PRCP: variants seen among roughly 807,000 people sequenced by gnomAD.
PRCP encodes the protein prolylcarboxypeptidase.
A neutral mutation model predicts 54.2 loss-of-function variants in PRCP; 46 were observed. The observed-to-expected ratio is 0.85, with a 90% CI of 0.67 to 1.09. PRCP has a LOEUF of 1.09. Ranked by LOEUF, PRCP falls within the 50% of genes least tolerant of loss-of-function variation. The pLI is 0.00. For synonymous variants in PRCP, 240 were observed against 212.2 expected (o/e 1.13, Z -1.14); for missense variants, 613 against 596.8 (o/e 1.03, Z -0.28).
At chr11:82,876,570 T>A (rs11233359) in intron 1 of PRCP, among the ~76,000 whole-genome samples, 1 of 152,026 alleles carries the variant, frequency 6.6e-6, no homozygotes, top group Non-Finnish European at 1.5e-5. Flanking sequence ...GGGGCCAGTC[T>A]TTCTTGTGCA....
chr11:82,895,331 T>C (rs1860094049), intron 1 of PRCP, among the ~76,000 whole-genome samples: 1 of 152,140 alleles, frequency 6.6e-6, no homozygotes, highest in Non-Finnish European at 1.5e-5. Context: ...GGTTTTGTTG[T>C]AGTTGTTTTT....
At chr11:82,856,108 C>G (rs1859076589) in intron 2 of PRCP, among the ~76,000 whole-genome samples, 1 of 152,018 alleles carries the variant, frequency 6.6e-6, no homozygotes, top group Non-Finnish European at 1.5e-5. Context: ...GAGTTTGAGA[C>G]CAGCCTGGGC....
At chr11:82,897,021 G>A (rs759528000) in intron 1 of PRCP, among the ~76,000 whole-genome samples, 1 of 151,990 alleles carries the variant, frequency 6.6e-6, no homozygotes, top group Admixed American at 6.6e-5. Flanking sequence ...TAGCCTGAGG[G>A]GCTCAGGTGG....
intron 6 of PRCP, among the ~76,000 whole-genome samples, chr11:82,848,161 A>G (rs1858854420): frequency 6.6e-6 from 1 of 152,190 alleles, no homozygotes; most frequent in East Asian, 1.9e-4. Flanking sequence ...CGCCAATTCT[A>G]TTTTCACTTC....
At chr11:82,878,719 G>A (rs7112902) in intron 1 of PRCP, among the ~76,000 whole-genome samples, 3 of 152,014 alleles carry the variant, frequency 2.0e-5, no homozygotes, top group South Asian at 4.1e-4. Context: ...CTTCAGGAAC[G>A]CTTGTAGGGC....
chr11:82,825,166 C>T, intron 8 of PRCP, 44 bp from the exon 9 acceptor site: 1 of 1,515,988 alleles, frequency 6.6e-7, no homozygotes, highest in East Asian at 2.4e-5. Context: ...GTTAGTTTTT[C>T]ATGTTAACAC....
chr11:82,895,397 G>A (rs1347099202), intron 1 of PRCP, among the ~76,000 whole-genome samples: 1 of 152,042 alleles, frequency 6.6e-6, no homozygotes, highest in Non-Finnish European at 1.5e-5. Context: ...TCTAGCTCCT[G>A]CCCTCAAGTG....
intron 8 of PRCP, chr11:82,829,177 C>T (rs1858317281): frequency 6.6e-6 from 1 of 152,194 alleles, no homozygotes; most frequent in South Asian, 2.1e-4. Context: ...GCAACTTGAT[C>T]CTGTTAAAAC....
intron 1 of PRCP, among the ~76,000 whole-genome samples, chr11:82,880,096 T>C (rs1859707899): frequency 6.6e-6 from 1 of 152,206 alleles, no homozygotes; most frequent in Non-Finnish European, 1.5e-5. Context: ...CTGCAGAAGT[T>C]TCTGCTGCCT....
chr11:82,859,540 G>A (rs1464223017), intron 2 of PRCP, among the ~76,000 whole-genome samples: 11 of 152,180 alleles, frequency 7.2e-5, no homozygotes, highest in African/African-American at 2.6e-4. Context: ...ACTATACACA[G>A]TAACATTCTT....
At chr11:82,896,136 A>C (rs59495608) in intron 1 of PRCP, among the ~76,000 whole-genome samples, 3,175 of 152,288 alleles carry the variant, frequency 0.021, 133 homozygotes, top group African/African-American at 0.072. Flanking sequence ...CAAGTTGTTT[A>C]AACTCCTACC....
chr11:82,851,939 G>A (rs1565223924), intron 3 of PRCP, among the ~76,000 whole-genome samples: 1 of 152,044 alleles, frequency 6.6e-6, no homozygotes, highest in East Asian at 1.9e-4. Flanking sequence ...CTGTACAGTT[G>A]AGTGCATTTT....
Position 82,852,642 on chromosome 11 carries a change from C to T in PRCP, c.411+535G>A, listed in dbSNP as rs1286052206. On this transcript the variant is annotated intron_variant, in intron 3 of 8. Coordinates refer to ENST00000313010, the MANE Select transcript of PRCP (RefSeq NM_005040.4). ...AATGACTCAGTTGAAGAAAAAGTGT[C>T]CTGGTTTATTAGGTAGAGTCTGTGA... Among the ~76,000 whole-genome samples, 4 of 152,214 alleles carry T rather than the reference C, an allele frequency of 2.6e-5. No homozygotes were observed. In the South Asian group the frequency reaches 6.2e-4, roughly 24 times the overall value.
At chr11:82,853,382 G>C (rs1312783202) in intron 2 of PRCP, 104 bp from the exon 3 acceptor site, 2 of 800,190 alleles carry the variant, frequency 2.5e-6, no homozygotes, top group Middle Eastern at 2.4e-4. Flanking sequence ...AGAACAAAAA[G>C]AGCACTCTAC....
In PRCP at chr11:82,823,290, T is replaced by C. The variant is rs1213134814; in HGVS notation, c.*1616A>G. Among the ~76,000 whole-genome samples the C allele has an allele frequency of 6.6e-6, 1 of 152,226 alleles. No individual in the cohort carries two copies. Among genetic ancestry groups the C allele is most frequent in the Non-Finnish European group, 1.5e-5 (1 of 68,030 alleles). The stretch of plus-strand genomic sequence containing the variant: ...TATCCTCTATTGAGCCCATAAACCC[T>C]GCATTATTTAATTTCTTAGTTGACA... On this transcript the variant is annotated 3_prime_UTR_variant, in exon 9 of 9. Transcript: ENST00000313010.
At chr11:82,844,964 TG>T (rs1858770835) in intron 6 of PRCP, among the ~76,000 whole-genome samples, 1 of 152,012 alleles carries the variant, frequency 6.6e-6, no homozygotes, top group Non-Finnish European at 1.5e-5. Context: ...TAGGTTTATT[TG>T]TTTTGGCAAA....
chr11:82,866,384 T>A (rs1225408279), intron 1 of PRCP, among the ~76,000 whole-genome samples: 1 of 152,192 alleles, frequency 6.6e-6, no homozygotes, highest in Non-Finnish European at 1.5e-5. Flanking sequence ...CTCTCAGAGA[T>A]ATGCTTCAAA....
At chr11:82,825,206 G>T in intron 8 of PRCP, 84 bp from the exon 9 acceptor site, 1 of 1,198,138 alleles carries the variant, frequency 8.3e-7, no homozygotes, top group Non-Finnish European at 1.2e-6. Flanking sequence ...CCTATTACAT[G>T]TTTAACACCT....
At chr11:82,853,907 A>G (rs535592229) in intron 2 of PRCP, among the ~76,000 whole-genome samples, 10 of 152,354 alleles carry the variant, frequency 6.6e-5, no homozygotes, top group African/African-American at 2.4e-4. Flanking sequence ...ATAAAACCAC[A>G]TGATCATCTC....
Sources: gnomAD v4.1 joint callset for allele counts (sites outside exome capture counted in the v4.1 genomes callset) on GRCh38, gnomAD v4.1.1 for gene constraint, MANE v1.5 for transcripts, NCBI Gene and HGNC (gene_info 2026-07-23, HGNC 2026-07-21) for gene names.